The following ZFP14 variants were observed in gnomAD, a reference collection of about 807,000 sequenced individuals.
The protein encoded by ZFP14 is ZFP14 zinc finger protein, also known as zinc finger protein 14 homolog.
ZFP14 carries 22 observed loss-of-function variants against 54.5 expected under a neutral mutation model. The observed-to-expected ratio is 0.40, with a 90% CI of 0.29 to 0.58. The LOEUF (loss-of-function observed/expected upper bound fraction) is 0.58. ZFP14 is among the 20% of genes least tolerant of loss of function. The pLI is 0.39. For missense variants in ZFP14, 470 were observed against 637.8 expected (o/e 0.74, Z 2.83); for synonymous variants, 159 against 204.0 (o/e 0.78, Z 1.88).
intron 4 of ZFP14, among the ~76,000 whole-genome samples, chr19:36,342,138 A>G (rs11084855): frequency 0.31 from 45,437 of 146,090 alleles, 7,615 homozygotes; most frequent in Admixed American, 0.4. Context: ...TACAGGAGTG[A>G]GCCACTGCGC....
rs1000729282 is a variant in ZFP14 at position 36,338,804 on chromosome 19, C to T, written c.*1420G>A. ...TTTTGAGCATCCAAAAGTATACTGACTTATAGAATGATGTTTTGTTTCTTT... is the reference window on the plus strand; with the variant it reads ...TTTTGAGCATCCAAAAGTATACTGATTTATAGAATGATGTTTTGTTTCTTT... On this transcript the variant is annotated 3_prime_UTR_variant, in exon 5 of 5. Coordinates refer to ENST00000270001, the MANE Select transcript of ZFP14 (RefSeq NM_020917.3). The T allele has an allele frequency of 6.6e-6, 1 of 152,134 alleles. No homozygotes were observed. The allele number at this position is 152,134 out of a possible 1,614,324, so 9.4% of individuals were successfully genotyped here. A position where few individuals can be genotyped will look rare whatever the true frequency, so the allele number is the denominator to read the frequency against.
intron 1 of ZFP14, among the ~76,000 whole-genome samples, chr19:36,369,703 A>G (rs1278717964): frequency 6.6e-6 from 1 of 152,000 alleles, no homozygotes; most frequent in Non-Finnish European, 1.5e-5. Flanking sequence ...GAGCCACCAC[A>G]CCCAGCCTAA....
At chr19:36,362,663 C>A (rs1181626209) in intron 2 of ZFP14, among the ~76,000 whole-genome samples, 1 of 151,656 alleles carries the variant, frequency 6.6e-6, no homozygotes, top group Non-Finnish European at 1.5e-5. Flanking sequence ...CATTTGAGCC[C>A]GTAAGTTCAA....
intron 4 of ZFP14, among the ~76,000 whole-genome samples, chr19:36,357,446 C>T (rs1433386883): frequency 6.6e-6 from 1 of 152,194 alleles, no homozygotes; most frequent in Non-Finnish European, 1.5e-5. Context: ...CCTCTAAAAA[C>T]TTTATGATTG....
chr19:36,376,476 G>A (rs1188024380), intron 1 of ZFP14, among the ~76,000 whole-genome samples: 6 of 151,954 alleles, frequency 3.9e-5, no homozygotes, highest in East Asian at 3.9e-4. Flanking sequence ...AACCTGGGGC[G>A]GGTGGCTGCA....
intron 3 of ZFP14, 61 bp from the exon 4 acceptor site, chr19:36,360,594 G>A: frequency 2.0e-6 from 3 of 1,483,350 alleles, no homozygotes; most frequent in South Asian, 1.3e-5. Context: ...ATTTAGATTT[G>A]GTTAAATTTA....
At position 36,341,609 on chromosome 19, in the gene ZFP14, G is replaced by A. The variant is rs754116111; in HGVS notation, c.236-19C>T. The A allele has an allele frequency of 1.3e-6, 2 of 1,533,264 alleles. No homozygotes were observed. Among genetic ancestry groups the A allele is most frequent in the Non-Finnish European group, 1.7e-6 (2 of 1,146,264 alleles). The allele number at this position is 1,533,264 out of a possible 1,614,324, so 95.0% of individuals were successfully genotyped here. ...TCCAAATCTGAAAGAAAACAAGAAAGCAAATACATACTGTTTTCCTGTTCC... is the reference window on the plus strand; with the variant it reads ...TCCAAATCTGAAAGAAAACAAGAAAACAAATACATACTGTTTTCCTGTTCC... On this transcript the variant is annotated intron_variant, in intron 4 of 4. Transcript: ENST00000270001. This position sits in a 1 kb window ranked among gnomAD's most constrained non-coding sequence, Gnocchi z 4.2.
Position 36,339,982 on chromosome 19 carries a change from G to C in ZFP14, c.*242C>G, listed in dbSNP as rs372101945. 69 of 368,844 alleles carry C rather than the reference G, an allele frequency of 1.9e-4. 1 individual carries two copies. Among genetic ancestry groups the C allele is most frequent in the East Asian group, 7.4e-4 (17 of 22,892 alleles). The allele number at this position is 368,844 out of a possible 1,614,324, so 22.8% of individuals were successfully genotyped here. A position where few individuals can be genotyped will look rare whatever the true frequency, so the allele number is the denominator to read the frequency against. ...TCCAATAAATCAAACTGGTAATCAAGTGGAGAAAGGGAGATAATGACAGAT... is the reference window on the plus strand; with the variant it reads ...TCCAATAAATCAAACTGGTAATCAACTGGAGAAAGGGAGATAATGACAGAT... On this transcript the variant is annotated 3_prime_UTR_variant, in exon 5 of 5. Coordinates refer to ENST00000270001, the MANE Select transcript of ZFP14 (RefSeq NM_020917.3).
At chr19:36,362,306 G>A in intron 2 of ZFP14, 68 bp from the exon 3 acceptor site, 1 of 1,509,402 alleles carries the variant, frequency 6.6e-7, no homozygotes, top group Non-Finnish European at 8.9e-7. Flanking sequence ...AAAGAGGGGA[G>A]ATTGAGGATT....
intron 4 of ZFP14, among the ~76,000 whole-genome samples, chr19:36,346,056 G>A (rs2031407556): frequency 6.6e-6 from 1 of 152,174 alleles, no homozygotes; most frequent in Non-Finnish European, 1.5e-5. Context: ...ACTTTGGGAG[G>A]CTGAGGCTGG....
rs1456525923 is a variant in ZFP14 at position 36,352,166 on chromosome 19, G to A, written c.235+8269C>T. ...GCCACTGCACTCCATTCTGGGCAAC[G>A]GAGCCAGACTCTGTCTCAAAAAAAA... On this transcript the variant is annotated intron_variant, in intron 4 of 4. Transcript: ENST00000270001. Among the ~76,000 whole-genome samples the A allele has an allele frequency of 2.2e-5, 3 of 138,572 alleles. 1 individual carries two copies. Among genetic ancestry groups the A allele is most frequent in the Non-Finnish European group, 4.7e-5 (3 of 63,854 alleles). 90.9% of individuals were successfully genotyped at this position (138,572 alleles called of 152,430 possible). A position where few individuals can be genotyped will look rare whatever the true frequency, so the allele number is the denominator to read the frequency against.
intron 4 of ZFP14, among the ~76,000 whole-genome samples, chr19:36,344,644 G>A (rs909889441): frequency 2.6e-5 from 4 of 152,122 alleles, no homozygotes; most frequent in African/African-American, 4.8e-5. Flanking sequence ...GCAGGTGAGC[G>A]AGCATGACCG....
At chr19:36,360,360 G>C in intron 4 of ZFP14, 75 bp downstream of exon 4, 1 of 1,330,656 alleles carries the variant, frequency 7.5e-7, no homozygotes, top group Non-Finnish European at 1.0e-6. Flanking sequence ...CATCTCAAGG[G>C]TGTGCCTCCA....
intron 1 of ZFP14, among the ~76,000 whole-genome samples, chr19:36,372,032 AAG>A (rs1406705259): frequency 9.4e-6 from 1 of 106,144 alleles, no homozygotes; most frequent in Non-Finnish European, 2.0e-5. Context: ...AGGAAGGAGA[AAG>A]AAAGAAAAAA....
At chr19:36,373,787 C>T (rs1473066264) in intron 1 of ZFP14, among the ~76,000 whole-genome samples, 1 of 151,282 alleles carries the variant, frequency 6.6e-6, no homozygotes, top group Non-Finnish European at 1.5e-5. Flanking sequence ...GTAGCGTGCA[C>T]CTGTAGTCTC....
chr19:36,342,536 C>T (rs1163160961), intron 4 of ZFP14, among the ~76,000 whole-genome samples: 1 of 150,980 alleles, frequency 6.6e-6, no homozygotes, highest in Admixed American at 6.6e-5. Context: ...AAATAGTTGA[C>T]ATCTAAAGGG....
At chr19:36,373,037 GGAGGCC>G (rs2031903612) in intron 1 of ZFP14, among the ~76,000 whole-genome samples, 1 of 152,148 alleles carries the variant, frequency 6.6e-6, no homozygotes, top group Non-Finnish European at 1.5e-5. Context: ...CAGCACTTTG[GGAGGCC>G]GAGGCGGGAG....
At chr19:36,374,669 T>C (rs1355238484) in intron 1 of ZFP14, among the ~76,000 whole-genome samples, 32 of 152,100 alleles carry the variant, frequency 2.1e-4, no homozygotes, top group Admixed American at 2.1e-3. Context: ...TGCCTTAATT[T>C]TGAATGGGTG....
In ZFP14 at chr19:36,340,297, C is replaced by T; in HGVS notation, c.1529G>A (p.Cys510Tyr). Residue 510 changes from cysteine to tyrosine, a missense_variant, in exon 5 of 5, where the codon TGT becomes TAT. Transcript: ENST00000270001. This position sits in a 1 kb window ranked among gnomAD's most constrained non-coding sequence, Gnocchi z 5.4. ...RIHTGEKPYK[C>Y]KECKKAFRQH... ...TCTAAAGGCCTTCTTACACTCCTTACACTTGTAGGGCTTCTCACCAGTATG... is the reference window on the plus strand; with the variant it reads ...TCTAAAGGCCTTCTTACACTCCTTATACTTGTAGGGCTTCTCACCAGTATG... 6.2e-7 allele frequency: 1 copy of T among 1,614,044 alleles called. No individual in the cohort carries two copies.
Sources: gnomAD v4.1 joint callset for allele counts (sites outside exome capture counted in the v4.1 genomes callset) on GRCh38, gnomAD v4.1.1 for gene constraint, Gnocchi (gnomAD v3.1) non-coding constraint, MANE v1.5 for transcripts, NCBI Gene and HGNC (gene_info 2026-07-23, HGNC 2026-07-21) for gene names.